DCLRE1B: variants seen among roughly 807,000 people sequenced by gnomAD.
DCLRE1B encodes the protein 5' exonuclease Apollo.
DCLRE1B carries 6 observed loss-of-function variants against 19.8 expected under a neutral mutation model. The observed-to-expected ratio is 0.30, with a 90% CI of 0.17 to 0.60. The LOEUF (loss-of-function observed/expected upper bound fraction) is 0.60. Among genes scored for constraint, DCLRE1B ranks in the 20% least tolerant of loss-of-function variants. The pLI is 0.87. For synonymous variants in DCLRE1B, 258 were observed against 255.7 expected (o/e 1.01, Z -0.09); for missense variants, 622 against 654.2 (o/e 0.95, Z 0.54).
At chr1:113,907,945 A>C in intron 2 of DCLRE1B, 64 bp from the exon 3 acceptor site, 1 of 1,530,662 alleles carries the variant, frequency 6.5e-7, no homozygotes. Flanking sequence ...TGTTGGAGGT[A>C]GGAGAGGCTT....
chr1:113,911,846 T>A lies in DCLRE1B; in HGVS notation c.1254T>A (p.Ser418=). 6.2e-7 allele frequency: 1 copy of A among 1,614,202 alleles called. No individual in the cohort carries two copies. Among genetic ancestry groups the A allele is most frequent in the Non-Finnish European group, 8.5e-7 (1 of 1,180,034 alleles). The change falls in exon 4 of 4, where the codon TCT becomes TCA. Residue 418 remains serine (S), a synonymous_variant. Coordinates refer to ENST00000650450, the MANE Select transcript of DCLRE1B (RefSeq NM_022836.4). ...EWNKAVPFCE[S]QKRVTMLTAP... The stretch of plus-strand genomic sequence containing the variant: ...ACAAGGCAGTGCCTTTCTGTGAGTC[T>A]CAAAAGAGGGTGACTATGTTGACGG...
rs981617901 is a variant in DCLRE1B, at chr1:113,913,880, T to C, written c.*1689T>C. ...ATGTAAATGTTTTTCAAAGTTGAGG[T>C]AATATTGTATAGAATTTTATAGCCT... On this transcript the variant is annotated 3_prime_UTR_variant, in exon 4 of 4. Transcript: ENST00000650450. 6.6e-6 allele frequency: 1 copy of C among 152,232 alleles called. No individual in the cohort carries two copies. The highest frequency in any genetic ancestry group is 1.5e-5 in the Non-Finnish European group (1 of 68,042). 9.4% of individuals were successfully genotyped at this position (152,232 alleles called of 1,614,324 possible).
In DCLRE1B at chr1:113,907,605, G is replaced by T. The variant is rs578043619; in HGVS notation, c.356-404G>T. 2.0e-5 allele frequency among the ~76,000 whole-genome samples: 3 copies of T among 152,196 alleles called. No individual in the cohort carries two copies. In the South Asian group the frequency reaches 6.2e-4, roughly 32 times the overall value. On this transcript the variant is annotated intron_variant, in intron 2 of 3. Transcript: ENST00000650450. ...TTGCCTCAGCCTCCCAAGTAGCTGG[G>T]ATGACAGGCGCCTGCCACCACGCCC...
chr1:113,912,284 C>G lies in DCLRE1B; in HGVS notation c.*93C>G. On this transcript the variant is annotated 3_prime_UTR_variant, in exon 4 of 4. Coordinates refer to ENST00000650450, the MANE Select transcript of DCLRE1B (RefSeq NM_022836.4). ...GGTGGGAAAGAGTTTGTTTTTGGGG[C>G]CTACTTTTCTATCTTTACAAGACTC... 7.6e-7 allele frequency: 1 copy of G among 1,321,378 alleles called. No individual in the cohort carries two copies. Among genetic ancestry groups the G allele is most frequent in the South Asian group, 1.5e-5 (1 of 68,844 alleles). The allele number at this position is 1,321,378 out of a possible 1,614,324, so 81.9% of individuals were successfully genotyped here.
rs1309678231 is a variant in DCLRE1B at position 113,913,354 on chromosome 1, A to G, written c.*1163A>G. 6.5e-6 allele frequency: 1 copy of G among 152,796 alleles called. No individual in the cohort carries two copies. The highest frequency in any genetic ancestry group is 1.5e-5 in the Non-Finnish European group (1 of 68,046). The allele number at this position is 152,796 out of a possible 1,614,324, so 9.5% of individuals were successfully genotyped here. On this transcript the variant is annotated 3_prime_UTR_variant, in exon 4 of 4. Coordinates refer to ENST00000650450, the MANE Select transcript of DCLRE1B (RefSeq NM_022836.4). ...GTGAAGAAGATTCCATTTCTTGTCC[A>G]GGGGATTTAAAAGAGTTTTCTGCTT...
At chr1:113,907,188 C>T in intron 2 of DCLRE1B, 27 bp downstream of exon 2, 1 of 817,430 alleles carries the variant, frequency 1.2e-6, no homozygotes, top group Non-Finnish European at 1.8e-6. Flanking sequence ...ATCCCAGTGA[C>T]TTCTCCAGAC....
chr1:113,912,377 C>A lies in DCLRE1B; in HGVS notation c.*186C>A. On this transcript the variant is annotated 3_prime_UTR_variant, in exon 4 of 4. Transcript: ENST00000650450. ...CTGGGGTCCTCGTGCCTATGGAATC[C>A]TTCTTTTTATAACTAAGTTTAAGAA... The A allele has an allele frequency of 1.9e-6, 1 of 512,988 alleles. No homozygotes were observed. Among genetic ancestry groups the A allele is most frequent in the Non-Finnish European group, 3.3e-6 (1 of 299,222 alleles). The allele number at this position is 512,988 out of a possible 1,614,324, so 31.8% of individuals were successfully genotyped here. A position where few individuals can be genotyped will look rare whatever the true frequency, so the allele number is the denominator to read the frequency against.
In DCLRE1B at chr1:113,911,588, A is replaced by G; in HGVS notation, c.996A>G (p.Arg332=). Residue 332 remains arginine, a synonymous_variant, in exon 4 of 4, where the codon AGA becomes AGG. Coordinates refer to ENST00000650450, the MANE Select transcript of DCLRE1B (RefSeq NM_022836.4). ...AGCAATACATGAGTTCTTCCTCTAG[A>G]AAACCAAGCCTTCTCTGGCTGTTAG... The part of the protein sequence containing the change: ...SVQQYMSSSS[R]KPSLLWLLER... The G allele has an allele frequency of 6.3e-7, 1 of 1,597,680 alleles. No homozygotes were observed.
rs1558107631 is a variant in DCLRE1B at position 113,908,092 on chromosome 1, A to G, written c.439A>G (p.Thr147Ala). 1.2e-6 allele frequency: 2 copies of G among 1,614,000 alleles called. No individual in the cohort carries two copies. The change falls in exon 3 of 4, where the codon ACC (threonine) becomes GCC (alanine). Residue 147 changes from threonine (T) to alanine (A), a missense_variant. By Grantham distance (58) the Thr-to-Ala change is moderately conservative. Coordinates refer to ENST00000650450, the MANE Select transcript of DCLRE1B (RefSeq NM_022836.4). ...GATCCATACTTTATACCTAGACAACACCAATTGCAATCCAGCCCTGGTTCT... is the reference window on the plus strand; with the variant it reads ...GATCCATACTTTATACCTAGACAACGCCAATTGCAATCCAGCCCTGGTTCT... ...KQIHTLYLDNTNCNPALVLPS... is the reference protein window; with the variant it reads ...KQIHTLYLDNANCNPALVLPS...
chr1:113,905,373 C>T lies in DCLRE1B; in HGVS notation c.-214C>T, dbSNP rs1668851834. On this transcript the variant is annotated 5_prime_UTR_variant, in exon 1 of 4. Coordinates refer to ENST00000650450, the MANE Select transcript of DCLRE1B (RefSeq NM_022836.4). ...TCCGCTCCCGCGCGGTTGGGAGTGT[C>T]CAGCGCCCTCCGCGATTTGGGCTCC... is the stretch of plus-strand genomic sequence containing the variant. 6 of 583,774 alleles carry T rather than the reference C, an allele frequency of 1.0e-5. No homozygotes were observed. The Admixed American group carries it at 1.3e-4, about 13-fold the overall frequency. The allele number at this position is 583,774 out of a possible 1,614,324, so 36.2% of individuals were successfully genotyped here. A position where few individuals can be genotyped will look rare whatever the true frequency, so the allele number is the denominator to read the frequency against.
At chr1:113,907,201 G>GTTTTT in intron 2 of DCLRE1B, 40 bp downstream of exon 2, 2 of 245,256 alleles carry the variant, frequency 8.2e-6, no homozygotes, top group Non-Finnish European at 1.3e-5. Flanking sequence ...CTCCAGACTA[G>GTTTTT]ATGTTTTTTT....
Position 113,913,418 on chromosome 1 carries a change from G to A in DCLRE1B, c.*1227G>A, listed in dbSNP as rs1028370910. On this transcript the variant is annotated 3_prime_UTR_variant, in exon 4 of 4. Transcript: ENST00000650450. ...GAGAGTTTAGAAAGCAATTGCTCTT[G>A]GGAAAGCTATACACAGCTCTGTTTT... The A allele has an allele frequency of 6.5e-6, 1 of 152,770 alleles. No individual in the cohort carries two copies. The highest frequency in any genetic ancestry group is 2.4e-5 in the African/African-American group (1 of 41,446). 9.5% of individuals were successfully genotyped at this position (152,770 alleles called of 1,614,324 possible). A position where few individuals can be genotyped will look rare whatever the true frequency, so the allele number is the denominator to read the frequency against.
In DCLRE1B at chr1:113,908,157, C is replaced by G. The variant is rs773291841; in HGVS notation, c.504C>G (p.Leu168=). Residue 168 remains leucine (L), a synonymous_variant, in exon 3 of 4, where the codon CTC becomes CTG. Coordinates refer to ENST00000650450, the MANE Select transcript of DCLRE1B (RefSeq NM_022836.4). ...RQEAAHQIVQ[L]IRKHPQHNIK... ...AAGCTGCCCACCAGATTGTCCAGCT[C>G]ATTCGAAAACACCCACAACATAACA... 2.0e-5 allele frequency: 32 copies of G among 1,614,090 alleles called. No individual in the cohort carries two copies. The highest frequency in any genetic ancestry group is 2.6e-5 in the Non-Finnish European group (31 of 1,179,998).
intron 3 of DCLRE1B, among the ~76,000 whole-genome samples, chr1:113,909,693 G>A (rs1415570940): frequency 6.6e-6 from 1 of 152,172 alleles, no homozygotes; most frequent in Non-Finnish European, 1.5e-5. Context: ...GCTATAGTAA[G>A]CCTTAATTAA....
At chr1:113,908,798 C>T (rs537322929) in intron 3 of DCLRE1B, among the ~76,000 whole-genome samples, 36 of 146,354 alleles carry the variant, frequency 2.5e-4, no homozygotes, top group East Asian at 1.5e-3. Flanking sequence ...CATGCACATA[C>T]GCGTGCACAC....
At chr1:113,907,330 T>C (rs1028723474) in intron 2 of DCLRE1B, among the ~76,000 whole-genome samples, 169 bp downstream of exon 2, 3 of 149,728 alleles carry the variant, frequency 2.0e-5, no homozygotes, top group African/African-American at 7.4e-5. Context: ...GTAGCTAGGA[T>C]TATTGGCACA....
intron 3 of DCLRE1B, among the ~76,000 whole-genome samples, chr1:113,909,107 T>C (rs1314756057): frequency 6.6e-6 from 1 of 152,236 alleles, no homozygotes; most frequent in Non-Finnish European, 1.5e-5. Context: ...CCTGCTAGAA[T>C]GTGAATTCCA....
chr1:113,912,259 G>C lies in DCLRE1B; in HGVS notation c.*68G>C. 4.1e-6 allele frequency: 6 copies of C among 1,469,182 alleles called. No individual in the cohort carries two copies. The highest frequency in any genetic ancestry group is 4.6e-5 in the East Asian group (2 of 43,952). The allele number at this position is 1,469,182 out of a possible 1,614,324, so 91.0% of individuals were successfully genotyped here. Reference sequence around the variant, plus strand: ...GTTTTGAAGATAGTAACTGATGGCTGGTGGGAAAGAGTTTGTTTTTGGGGC... The same window carrying C: ...GTTTTGAAGATAGTAACTGATGGCTCGTGGGAAAGAGTTTGTTTTTGGGGC... On this transcript the variant is annotated 3_prime_UTR_variant, in exon 4 of 4. Coordinates refer to ENST00000650450, the MANE Select transcript of DCLRE1B (RefSeq NM_022836.4).
upstream of DCLRE1B, chr1:113,905,264 G>A: frequency 5.3e-6 from 2 of 376,572 alleles, no homozygotes; most frequent in Non-Finnish European, 9.8e-6. Flanking sequence ...GCTCCCTCTG[G>A]TGGAGCTGCG....
Sources: gnomAD v4.1 joint callset for allele counts (sites outside exome capture counted in the v4.1 genomes callset) on GRCh38, gnomAD v4.1.1 for gene constraint, MANE v1.5 for transcripts, NCBI Gene and HGNC (gene_info 2026-07-23, HGNC 2026-07-21) for gene names.